Variants in FAM168A observed in about 807,000 individuals in gnomAD.
The protein encoded by FAM168A is protein FAM168A.
A neutral mutation model predicts 28.5 loss-of-function variants in FAM168A; 3 were observed. That is an observed-to-expected ratio of 0.11 (90% CI 0.05 to 0.27). The LOEUF is 0.27. Ranked by LOEUF, FAM168A falls within the 10% of genes least tolerant of loss-of-function variation. The pLI is 1.00. For missense variants in FAM168A, 222 were observed against 311.5 expected (o/e 0.71, Z 2.16); for synonymous variants, 122 against 124.2 (o/e 0.98, Z 0.12).
chr11:73,424,804 T>C (rs991429175), intron 3 of FAM168A, among the ~76,000 whole-genome samples: 1 of 152,182 alleles, frequency 6.6e-6, no homozygotes, highest in African/African-American at 2.4e-5. Context: ...CATGATCCTT[T>C]GCTGCTGCCC....
chr11:73,414,150 CTT>C (rs1452856493), intron 4 of FAM168A, among the ~76,000 whole-genome samples: 1 of 152,176 alleles, frequency 6.6e-6, no homozygotes, highest in Admixed American at 6.5e-5. Flanking sequence ...ACCACAGAAT[CTT>C]TTATTCATAC....
intron 1 of FAM168A, among the ~76,000 whole-genome samples, chr11:73,485,065 G>A (rs557833022): frequency 2.0e-5 from 3 of 152,188 alleles, no homozygotes; most frequent in Admixed American, 2.0e-4. Flanking sequence ...CATCTTCACA[G>A]ACATACCCAA....
At chr11:73,463,321 C>G (rs1396250823) in intron 2 of FAM168A, among the ~76,000 whole-genome samples, 1 of 152,060 alleles carries the variant, frequency 6.6e-6, no homozygotes, top group East Asian at 1.9e-4. Context: ...GACTTAATAA[C>G]TGGCTTTAGA....
intron 1 of FAM168A, among the ~76,000 whole-genome samples, chr11:73,569,820 C>A (rs1944064772): frequency 8.5e-6 from 1 of 118,098 alleles, no homozygotes. Context: ...TGAGACTCCA[C>A]CTCAAAAATA....
chr11:73,511,177 G>GT (rs112475564), intron 1 of FAM168A, among the ~76,000 whole-genome samples: 179 of 147,220 alleles, frequency 1.2e-3, no homozygotes, highest in African/African-American at 2.7e-3. Flanking sequence ...CAATTGTCAG[G>GT]TTTTTTTTTT....
chr11:73,412,013 ATC>A (rs754092287), intron 4 of FAM168A, among the ~76,000 whole-genome samples: 9 of 149,984 alleles, frequency 6.0e-5, no homozygotes, highest in Non-Finnish European at 1.0e-4. Context: ...TTTTCTCCTT[ATC>A]TCTCTCTCTC....
chr11:73,561,194 G>C (rs11235807), intron 1 of FAM168A, among the ~76,000 whole-genome samples: 12,167 of 151,960 alleles, frequency 0.08, 573 homozygotes, highest in Admixed American at 0.11. Context: ...GACCAACGTG[G>C]AGAAATCCGT....
chr11:73,437,426 C>T (rs1445393081), intron 2 of FAM168A, among the ~76,000 whole-genome samples: 2 of 113,386 alleles, frequency 1.8e-5, no homozygotes, highest in African/African-American at 3.5e-5. Context: ...TTTTTTGAGA[C>T]AGAGTCTCAC....
Position 73,478,472 on chromosome 11 carries a change from G to A in FAM168A, c.-18-9980C>T, listed in dbSNP as rs76163527. Among the ~76,000 whole-genome samples, 66 of 152,218 alleles carry A rather than the reference G, an allele frequency of 4.3e-4. 1 individual carries two copies. The highest frequency in any genetic ancestry group is 1.4e-3 in the African/African-American group (60 of 41,546). Reference sequence around the variant, plus strand: ...ATCTGGGACTCAGAGCAGGAATGGCGATTGACTGCAGATAGAAGCAAGAGA... The same window carrying A: ...ATCTGGGACTCAGAGCAGGAATGGCAATTGACTGCAGATAGAAGCAAGAGA... On this transcript the variant is annotated intron_variant, in intron 1 of 7. Transcript: ENST00000356467.
chr11:73,439,766 G>A (rs1345005535), intron 2 of FAM168A, among the ~76,000 whole-genome samples: 1 of 151,904 alleles, frequency 6.6e-6, no homozygotes, highest in Non-Finnish European at 1.5e-5. Context: ...CACTTTAGAG[G>A]TTGTTTGGTG....
intron 1 of FAM168A, among the ~76,000 whole-genome samples, chr11:73,539,670 G>A (rs1943629881): frequency 6.6e-6 from 1 of 152,210 alleles, no homozygotes; most frequent in African/African-American, 2.4e-5. Flanking sequence ...TTCTAAGCCA[G>A]GAGCATCCTT....
chr11:73,452,067 C>T (rs1193932067), intron 2 of FAM168A: 1 of 152,340 alleles, frequency 6.6e-6, no homozygotes, highest in East Asian at 1.9e-4. Flanking sequence ...TCAGGAGAAC[C>T]AAGCCCAGGC....
chr11:73,470,313 AC>A (rs1203001115), intron 1 of FAM168A, among the ~76,000 whole-genome samples: 1 of 152,214 alleles, frequency 6.6e-6, no homozygotes, highest in Non-Finnish European at 1.5e-5. Context: ...CACAGAGACT[AC>A]TTGTACTCCT....
At chr11:73,470,609 C>T (rs1867800791) in intron 1 of FAM168A, among the ~76,000 whole-genome samples, 1 of 152,152 alleles carries the variant, frequency 6.6e-6, no homozygotes, top group Non-Finnish European at 1.5e-5. Flanking sequence ...CCCTCTTGCT[C>T]TCTGTCACCC....
intron 1 of FAM168A, among the ~76,000 whole-genome samples, chr11:73,536,856 G>A (rs1400004434): frequency 6.6e-6 from 1 of 152,090 alleles, no homozygotes; most frequent in Non-Finnish European, 1.5e-5. Flanking sequence ...TGTTGTGAAC[G>A]GATCCATATG....
At chr11:73,545,090 A>G (rs557321711) in intron 1 of FAM168A, among the ~76,000 whole-genome samples, 1 of 135,654 alleles carries the variant, frequency 7.4e-6, no homozygotes, top group Admixed American at 8.3e-5. Context: ...CAGCGCCACA[A>G]TCTTGGCTCA....
chr11:73,467,427 T>C (rs1042776981), intron 2 of FAM168A, among the ~76,000 whole-genome samples: 1 of 151,958 alleles, frequency 6.6e-6, no homozygotes, highest in African/African-American at 2.4e-5. Context: ...CTGGTTGTTG[T>C]CCAGTCAGTC....
chr11:73,485,867 T>C (rs1181995049), intron 1 of FAM168A, among the ~76,000 whole-genome samples: 2 of 152,090 alleles, frequency 1.3e-5, no homozygotes, highest in Non-Finnish European at 2.9e-5. Flanking sequence ...GGGTCTCTGG[T>C]GGAGGAACTG....
intron 2 of FAM168A, among the ~76,000 whole-genome samples, chr11:73,458,877 T>C (rs1867588822): frequency 6.6e-6 from 1 of 152,226 alleles, no homozygotes; most frequent in African/African-American, 2.4e-5. Context: ...CCCAAAGTGA[T>C]GGGATTACAG....
Sources: gnomAD v4.1 joint callset for allele counts (sites outside exome capture counted in the v4.1 genomes callset) on GRCh38, gnomAD v4.1.1 for gene constraint, MANE v1.5 for transcripts, NCBI Gene and HGNC (gene_info 2026-07-23, HGNC 2026-07-21) for gene names.